The following HHAT variants were observed in gnomAD, a reference collection of about 807,000 sequenced individuals.
HHAT encodes the protein hedgehog acyltransferase.
Under a neutral mutation model 70.8 loss-of-function variants are expected in HHAT, and 47 were observed. The observed-to-expected ratio is 0.66, with a 90% CI of 0.53 to 0.85. The LOEUF (loss-of-function observed/expected upper bound fraction) is 0.85, where lower values mean the gene tolerates loss of function less well. Ranked by LOEUF, HHAT falls within the 40% of genes least tolerant of loss-of-function variation. HHAT has a pLI of 0.00. For missense variants in HHAT, 609 were observed against 604.8 expected, an observed-to-expected ratio of 1.01 and a Z score of -0.07; for synonymous variants, 228 against 247.6, an observed-to-expected ratio of 0.92 and a Z score of 0.74.
At position 210,495,154 on chromosome 1, in the gene HHAT, G is replaced by A. The variant is rs1040639140; in HGVS notation, c.1008-17999G>A. 3.3e-5 allele frequency among the ~76,000 whole-genome samples: 5 copies of A among 152,070 alleles called. 1 individual carries two copies. The Middle Eastern group carries it at 0.014, about 417-fold the overall frequency. Reference sequence around the variant, plus strand: ...AACCAAGACAACGTGGGGTCCTAGGGACTCAGTGAAAATCAAGGAGGATAT... The same window carrying A: ...AACCAAGACAACGTGGGGTCCTAGGAACTCAGTGAAAATCAAGGAGGATAT... On this transcript the variant is annotated intron_variant, in intron 8 of 11. Coordinates refer to ENST00000261458, the MANE Select transcript of HHAT (RefSeq NM_018194.6).
rs144784621 is a variant in HHAT at position 210,626,338 on chromosome 1, C to G, written c.1390+2668C>G. ...GGACCAGCTATGGTCTGTGACTGAA[C>G]GCACTATTTGTGTCCTCCTTGGACT... is the stretch of plus-strand genomic sequence containing the variant. On this transcript the variant is annotated intron_variant, in intron 11 of 11. Coordinates refer to ENST00000261458, the MANE Select transcript of HHAT (RefSeq NM_018194.6). Among the ~76,000 whole-genome samples the G allele has an allele frequency of 3.7e-3, 556 of 152,286 alleles. 6 individuals carry two copies. The highest frequency in any genetic ancestry group is 0.02 in the Middle Eastern group (6 of 294).
At chr1:210,644,626 A>T (rs1673660033) in intron 11 of HHAT, among the ~76,000 whole-genome samples, 1 of 149,978 alleles carries the variant, frequency 6.7e-6, no homozygotes, top group South Asian at 2.1e-4. Flanking sequence ...AAAAAAAAAA[A>T]AGTAATAGTA....
intron 6 of HHAT, among the ~76,000 whole-genome samples, chr1:210,414,516 A>G (rs1031284411): frequency 6.6e-6 from 1 of 152,180 alleles, no homozygotes; most frequent in Non-Finnish European, 1.5e-5. Flanking sequence ...GAAGGAAAGG[A>G]GAAATAAAAA....
chr1:210,421,550 A>G (rs902028248), intron 7 of HHAT, among the ~76,000 whole-genome samples: 1 of 152,098 alleles, frequency 6.6e-6, no homozygotes, highest in East Asian at 1.9e-4. Context: ...AGTTGAAGCA[A>G]TTCTATGCCT....
At chr1:210,527,961 A>G (rs141262148) in intron 9 of HHAT, among the ~76,000 whole-genome samples, 2 of 152,360 alleles carry the variant, frequency 1.3e-5, no homozygotes, top group Non-Finnish European at 2.9e-5. Flanking sequence ...CTCTAAACGC[A>G]TGAACCCATT....
At chr1:210,482,703 A>T (rs10863835) in intron 8 of HHAT, among the ~76,000 whole-genome samples, 53,030 of 152,048 alleles carry the variant, frequency 0.35, 11,030 homozygotes, top group East Asian at 0.65. Flanking sequence ...GCTATAATGA[A>T]TACAGAATAT....
At chr1:210,668,902 T>C (rs1290541515) in intron 11 of HHAT, among the ~76,000 whole-genome samples, 2 of 152,210 alleles carry the variant, frequency 1.3e-5, no homozygotes, top group African/African-American at 4.8e-5. Context: ...GCGTCCCCAG[T>C]AGCTGGGATT....
At chr1:210,396,657 T>C (rs568644446) in intron 4 of HHAT, among the ~76,000 whole-genome samples, 2 of 152,348 alleles carry the variant, frequency 1.3e-5, no homozygotes, top group African/African-American at 4.8e-5. Flanking sequence ...TGCATAAGTT[T>C]TATTTGTAAT....
chr1:210,603,346 C>T (rs544571235), intron 10 of HHAT, among the ~76,000 whole-genome samples: 2 of 152,208 alleles, frequency 1.3e-5, no homozygotes, highest in African/African-American at 2.4e-5. Flanking sequence ...CTGTGAGTCT[C>T]TGGTCTCTGT....
At chr1:210,459,917 C>T (rs1190639909) in intron 7 of HHAT, among the ~76,000 whole-genome samples, 2 of 152,196 alleles carry the variant, frequency 1.3e-5, no homozygotes, top group African/African-American at 4.8e-5. Flanking sequence ...AGTCAGACAT[C>T]AGCCAGGGTT....
intron 6 of HHAT, among the ~76,000 whole-genome samples, chr1:210,407,747 C>G: frequency 6.6e-6 from 1 of 152,280 alleles, no homozygotes; most frequent in Middle Eastern, 3.4e-3. Context: ...AGCGGTGAGA[C>G]AGGGATCCTG....
chr1:210,439,373 T>C (rs1289180668), intron 7 of HHAT, among the ~76,000 whole-genome samples: 1 of 151,812 alleles, frequency 6.6e-6, no homozygotes, highest in Non-Finnish European at 1.5e-5. Flanking sequence ...ATTTCTGGCA[T>C]CTCAGCCCCA....
rs181089664 is a variant in HHAT at position 210,413,923 on chromosome 1, A to G, written c.685-4231A>G. On this transcript the variant is annotated intron_variant, in intron 6 of 11. Coordinates refer to ENST00000261458, the MANE Select transcript of HHAT (RefSeq NM_018194.6). Reference sequence around the variant, plus strand: ...GCACCTCCAAACTCTTCCAGCTTCTATCCATTACCCCTTCCACACTACTTG... The same window carrying G: ...GCACCTCCAAACTCTTCCAGCTTCTGTCCATTACCCCTTCCACACTACTTG... Among the ~76,000 whole-genome samples the G allele has an allele frequency of 1.7e-3, 262 of 152,318 alleles. 1 individual carries two copies. The highest frequency in any genetic ancestry group is 2.5e-3 in the Non-Finnish European group (170 of 68,034).
At chr1:210,336,312 GAGAC>G (rs1207659925) in intron 1 of HHAT, among the ~76,000 whole-genome samples, 1 of 33,148 alleles carries the variant, frequency 3.0e-5, no homozygotes, top group African/African-American at 1.8e-4. Flanking sequence ...TTTTTTTTTA[GAGAC>G]AGGGTCTTAC....
chr1:210,455,282 G>C (rs1254897824), intron 7 of HHAT, among the ~76,000 whole-genome samples: 1 of 152,192 alleles, frequency 6.6e-6, no homozygotes, highest in African/African-American at 2.4e-5. Flanking sequence ...CCTGGTATTA[G>C]TTAGCTTGAA....
intron 9 of HHAT, among the ~76,000 whole-genome samples, chr1:210,547,232 G>T (rs567888102): frequency 2.0e-5 from 3 of 149,524 alleles, no homozygotes; most frequent in Admixed American, 6.8e-5. Flanking sequence ...AGGAGGCTGA[G>T]GCAGAATTGC....
At chr1:210,362,236 C>CTTTTT (rs72236593) in intron 2 of HHAT, among the ~76,000 whole-genome samples, 8 of 139,674 alleles carry the variant, frequency 5.7e-5, no homozygotes, top group South Asian at 2.2e-4. Context: ...GTCAAAATTT[C>CTTTTT]TTTTTTTTTT....
At chr1:210,582,535 G>A (rs1166713232) in intron 9 of HHAT, among the ~76,000 whole-genome samples, 1 of 152,170 alleles carries the variant, frequency 6.6e-6, no homozygotes, top group Non-Finnish European at 1.5e-5. Context: ...TTGGAAAAAA[G>A]AAGTGTTGCG....
intron 11 of HHAT, among the ~76,000 whole-genome samples, chr1:210,658,313 G>T (rs1307545453): frequency 6.6e-6 from 1 of 152,058 alleles, no homozygotes; most frequent in East Asian, 1.9e-4. Context: ...GCCCCTGAGG[G>T]TGCTCAGACC....
Sources: gnomAD v4.1 joint callset for allele counts (sites outside exome capture counted in the v4.1 genomes callset) on GRCh38, gnomAD v4.1.1 for gene constraint, MANE v1.5 for transcripts, NCBI Gene and HGNC (gene_info 2026-07-23, HGNC 2026-07-21) for gene names.